The following ZNF341 variants were observed in gnomAD, a reference collection of about 807,000 sequenced individuals.
The protein encoded by ZNF341 is zinc finger protein 341.
ZNF341 carries 52 observed loss-of-function variants against 87.7 expected under a neutral mutation model. That is an observed-to-expected ratio of 0.59 (90% CI 0.47 to 0.75). The LOEUF (loss-of-function observed/expected upper bound fraction) is 0.75, where lower values mean the gene tolerates loss of function less well. Among genes scored for constraint, ZNF341 ranks in the 30% least tolerant of loss-of-function variants. The pLI, the probability that ZNF341 is intolerant of heterozygous loss-of-function variation, is 0.00. For synonymous variants in ZNF341, 459 were observed against 472.7 expected, an observed-to-expected ratio of 0.97 and a Z score of 0.38; for missense variants, 977 against 1,145.9, an observed-to-expected ratio of 0.85 and a Z score of 2.13.
intron 9 of ZNF341, among the ~76,000 whole-genome samples, chr20:33,767,878 C>T (rs1310465962): frequency 6.6e-6 from 1 of 152,186 alleles, no homozygotes; most frequent in Non-Finnish European, 1.5e-5. Context: ...ACTCAGGCTT[C>T]TAGCTGTCTG....
chr20:33,736,288 T>G (rs1315559169), intron 1 of ZNF341, among the ~76,000 whole-genome samples: 2 of 151,508 alleles, frequency 1.3e-5, no homozygotes, highest in Non-Finnish European at 2.9e-5. Context: ...ATTGTAACAG[T>G]GAGAAAATCA....
chr20:33,740,802 C>G (rs2018782058), intron 1 of ZNF341, 100 bp from the exon 2 acceptor site: 2 of 1,057,920 alleles, frequency 1.9e-6, no homozygotes, highest in Non-Finnish European at 2.8e-6. Context: ...GCCACCGTAC[C>G]CAGCCGCCAC....
In ZNF341 at chr20:33,789,592, A is replaced by G; in HGVS notation, c.2035+4A>G. 6.2e-7 allele frequency: 1 copy of G among 1,614,106 alleles called. No individual in the cohort carries two copies. The highest frequency in any genetic ancestry group is 8.5e-7 in the Non-Finnish European group (1 of 1,180,004). On this transcript the variant is annotated splice_donor_region_variant and intron_variant, in intron 14 of 14. Transcript: ENST00000375200. ...GCCCACATCCTCTCCCACTCTGGTA[A>G]GTGGCTCTTGGGCCTGCTAAGAGGG...
intron 10 of ZNF341, among the ~76,000 whole-genome samples, chr20:33,770,781 T>C (rs1428616522): frequency 6.6e-6 from 1 of 152,046 alleles, no homozygotes; most frequent in Non-Finnish European, 1.5e-5. Flanking sequence ...GAGACCAGCC[T>C]GGCAACATAA....
In ZNF341 at chr20:33,750,236, C is replaced by T. The variant is rs927810448; in HGVS notation, c.489+1164C>T. Among the ~76,000 whole-genome samples, 9 of 152,226 alleles carry T rather than the reference C, an allele frequency of 5.9e-5. No individual in the cohort carries two copies. In the East Asian group the frequency reaches 1.2e-3, roughly 20 times the overall value. On this transcript the variant is annotated intron_variant, in intron 4 of 14. Coordinates refer to ENST00000375200, the MANE Select transcript of ZNF341 (RefSeq NM_001282933.2). ...CCTCTCAAAGTGCTGGGATTGTAGA[C>T]GTGAGCTACTGCACCTGGCCAGGAT...
At chr20:33,784,178 T>C (rs990098464) in intron 12 of ZNF341, among the ~76,000 whole-genome samples, 11 of 8,788 alleles carry the variant, frequency 1.3e-3, no homozygotes, top group Admixed American at 1.4e-3. Context: ...CTCCTCTCCC[T>C]CCCCCCTCCC....
chr20:33,787,009 CAAAA>C (rs1025794261), intron 12 of ZNF341: 4 of 147,058 alleles, frequency 2.7e-5, no homozygotes, highest in East Asian at 4.0e-4. Flanking sequence ...CAAAACAAAA[CAAAA>C]AAAACCACAC....
chr20:33,785,447 C>G (rs546599319), intron 12 of ZNF341, among the ~76,000 whole-genome samples: 1 of 152,170 alleles, frequency 6.6e-6, no homozygotes, highest in Non-Finnish European at 1.5e-5. Context: ...AAGCCATTCT[C>G]GTGCCTCAGC....
chr20:33,771,196 T>G (rs1227381104), intron 10 of ZNF341, among the ~76,000 whole-genome samples: 1 of 152,184 alleles, frequency 6.6e-6, no homozygotes, highest in Non-Finnish European at 1.5e-5. Context: ...ATTCATTTGT[T>G]TTATAATCTA....
chr20:33,740,888 ACTT>A lies in ZNF341; in HGVS notation c.32-10_32-8del. ...TGGGCCTACCTTCCAAAGAGGCTGC[ACTT>A]CTTTTTTCAGGAATGGACAATCAGA... is the stretch of plus-strand genomic sequence containing the variant. On this transcript the variant is annotated splice_polypyrimidine_tract_variant and intron_variant, in intron 1 of 14. Transcript: ENST00000375200. 1 of 1,612,204 alleles carries A rather than the reference ACTT, an allele frequency of 6.2e-7. No homozygotes were observed. The highest frequency in any genetic ancestry group is 2.2e-5 in the East Asian group (1 of 44,882).
At chr20:33,764,185 C>T (rs1474367067) in intron 8 of ZNF341, among the ~76,000 whole-genome samples, 1 of 150,812 alleles carries the variant, frequency 6.6e-6, no homozygotes. Flanking sequence ...CCACCATGCC[C>T]GGCTAATTTT....
intron 2 of ZNF341, among the ~76,000 whole-genome samples, chr20:33,742,240 A>G (rs2018816856): frequency 6.6e-6 from 1 of 152,182 alleles, no homozygotes; most frequent in Non-Finnish European, 1.5e-5. Flanking sequence ...TCTGTCGCCC[A>G]GGCTGGAGTG....
intron 10 of ZNF341, among the ~76,000 whole-genome samples, chr20:33,776,997 G>T (rs6087519): frequency 1.3e-5 from 2 of 151,538 alleles, no homozygotes; most frequent in Non-Finnish European, 2.9e-5. Context: ...CTTCCATAAG[G>T]GCAATATACT....
chr20:33,760,923 T>G (rs1407941966), intron 7 of ZNF341, among the ~76,000 whole-genome samples: 1 of 152,206 alleles, frequency 6.6e-6, no homozygotes, highest in African/African-American at 2.4e-5. Context: ...CATTTTTTTT[T>G]GTTTACTTTA....
chr20:33,772,117 G>C (rs1290249909), intron 10 of ZNF341, among the ~76,000 whole-genome samples: 2 of 145,790 alleles, frequency 1.4e-5, no homozygotes, highest in African/African-American at 2.5e-5. Flanking sequence ...TTTCTGGTCT[G>C]TTTTGCCAGG....
At chr20:33,758,633 C>G (rs1052741305) in intron 6 of ZNF341, 83 bp from the exon 7 acceptor site, 3 of 1,082,654 alleles carry the variant, frequency 2.8e-6, no homozygotes, top group Middle Eastern at 2.2e-4. Context: ...TTGTCTGGCT[C>G]AGATACAGTA....
chr20:33,772,261 G>A (rs2019549150), intron 10 of ZNF341, among the ~76,000 whole-genome samples: 1 of 152,170 alleles, frequency 6.6e-6, no homozygotes, highest in Admixed American at 6.6e-5. Flanking sequence ...AAAACCCATG[G>A]GGGTAGATAG....
At chr20:33,776,046 T>C (rs1478651552) in intron 10 of ZNF341, among the ~76,000 whole-genome samples, 1 of 151,964 alleles carries the variant, frequency 6.6e-6, no homozygotes, top group Non-Finnish European at 1.5e-5. Flanking sequence ...TGAATTTAAC[T>C]TATGTATGTA....
intron 4 of ZNF341, among the ~76,000 whole-genome samples, chr20:33,750,121 TA>T (rs999608268): frequency 7.9e-5 from 12 of 151,388 alleles, no homozygotes; most frequent in South Asian, 4.2e-4. Flanking sequence ...CCCTGGGATT[TA>T]AAAAAAAAAT....
Sources: gnomAD v4.1 joint callset for allele counts (sites outside exome capture counted in the v4.1 genomes callset) on GRCh38, gnomAD v4.1.1 for gene constraint, MANE v1.5 for transcripts, NCBI Gene and HGNC (gene_info 2026-07-23, HGNC 2026-07-21) for gene names.